Variants in RBBP5 observed in about 807,000 individuals in gnomAD.
RBBP5 encodes the protein retinoblastoma-binding protein 5.
In RBBP5, 5 loss-of-function variants were observed where a neutral mutation model predicts 72.2. That is an observed-to-expected ratio of 0.07 (90% CI 0.04 to 0.15). RBBP5 has a LOEUF of 0.15. Among genes scored for constraint, RBBP5 ranks in the 10% least tolerant of loss-of-function variants. The pLI, the probability that RBBP5 is intolerant of heterozygous loss-of-function variation, is 1.00. For missense variants in RBBP5, 322 were observed against 652.2 expected (o/e 0.49, Z 5.51); for synonymous variants, 209 against 237.2 (o/e 0.88, Z 1.09).
intron 3 of RBBP5, among the ~76,000 whole-genome samples, chr1:205,112,956 C>G (rs575711414): frequency 6.6e-6 from 1 of 152,154 alleles, no homozygotes; most frequent in South Asian, 2.1e-4. Context: ...GACCCTGTCT[C>G]TATAAAAAAT....
At chr1:205,101,360 C>T (rs1655814184) in intron 6 of RBBP5, among the ~76,000 whole-genome samples, 1 of 152,140 alleles carries the variant, frequency 6.6e-6, no homozygotes, top group South Asian at 2.1e-4. Context: ...TGGTTTTAAG[C>T]ACTGACCACT....
chr1:205,097,797 A>G (rs972242036), intron 10 of RBBP5, among the ~76,000 whole-genome samples: 1 of 152,206 alleles, frequency 6.6e-6, no homozygotes, highest in African/African-American at 2.4e-5. Context: ...TCCTCCTAAA[A>G]CACATTAGGC....
rs1219943070 is a variant in RBBP5 at position 205,101,618 on chromosome 1, T to A, written c.614A>T (p.Glu205Val). The change falls in exon 6 of 14, where the codon GAG (glutamate) becomes GTG (valine). Residue 205 changes from glutamate (E) to valine (V), a missense_variant. Physicochemically the swap from Glu to Val is moderately radical, Grantham distance 121. Around this residue, in one of 6 missense-constraint regions of RBBP5, gnomAD observed 161 missense variants for 327.8 expected, o/e 0.49. Coordinates refer to ENST00000264515, the MANE Select transcript of RBBP5 (RefSeq NM_005057.4). The stretch of plus-strand genomic sequence containing the variant: ...CACTCACCTCCCCTTCCGGGCAAAC[T>A]CAATTGACTTAATGGCTGTGGTATT... ...TSNTTAIKSI[E>V]FARKGSCFLI... 6.2e-7 allele frequency: 1 copy of A among 1,611,574 alleles called. No homozygotes were observed. Among genetic ancestry groups the A allele is most frequent in the African/African-American group, 1.3e-5 (1 of 74,808 alleles).
intron 5 of RBBP5, among the ~76,000 whole-genome samples, chr1:205,102,918 G>C (rs931103644): frequency 6.0e-5 from 9 of 151,198 alleles, no homozygotes; most frequent in African/African-American, 2.2e-4. Context: ...GCTGGAACCC[G>C]GGAGGGAGAG....
At chr1:205,104,597 C>G (rs187156184) in intron 4 of RBBP5, among the ~76,000 whole-genome samples, 1 of 151,404 alleles carries the variant, frequency 6.6e-6, no homozygotes, top group Admixed American at 6.6e-5. Flanking sequence ...AATTCCAGCA[C>G]TTTGGGAGGC....
intron 1 of RBBP5, chr1:205,116,110 G>A: frequency 2.5e-6 from 2 of 796,858 alleles, no homozygotes; most frequent in Non-Finnish European, 3.8e-6. Context: ...ATATGACCTG[G>A]GATATTGAAA....
At chr1:205,110,407 T>C (rs910757485) in intron 3 of RBBP5, among the ~76,000 whole-genome samples, 2 of 152,152 alleles carry the variant, frequency 1.3e-5, no homozygotes, top group African/African-American at 4.8e-5. Context: ...TCAGCTATCA[T>C]GCCTACCTAA....
chr1:205,089,992 T>C (rs540312745), intron 13 of RBBP5, among the ~76,000 whole-genome samples: 3 of 152,180 alleles, frequency 2.0e-5, no homozygotes, highest in South Asian at 2.1e-4. Context: ...GCTGGGATTA[T>C]AGGCGCCCAC....
chr1:205,090,041 A>G (rs1483756883), intron 13 of RBBP5, among the ~76,000 whole-genome samples: 1 of 152,054 alleles, frequency 6.6e-6, no homozygotes, highest in Non-Finnish European at 1.5e-5. Flanking sequence ...TTTAATAGAG[A>G]CGGGGTTTCA....
chr1:205,101,782 A>G (rs2102286769), intron 5 of RBBP5, 73 bp from the exon 6 acceptor site: 2 of 1,089,808 alleles, frequency 1.8e-6, no homozygotes, highest in Non-Finnish European at 2.8e-6. Context: ...CTTGTTTCTA[A>G]TACTGCGTAA....
intron 5 of RBBP5, among the ~76,000 whole-genome samples, chr1:205,102,747 A>G (rs914298055): frequency 1.3e-5 from 2 of 152,102 alleles, no homozygotes; most frequent in African/African-American, 4.8e-5. Flanking sequence ...TAATCCCAGC[A>G]CTTTAGGAGG....
chr1:205,099,853 CAGATTTT>C lies in RBBP5; in HGVS notation c.907-48_907-42del. 2 of 1,613,634 alleles carry C rather than the reference CAGATTTT, an allele frequency of 1.2e-6. No homozygotes were observed. The highest frequency in any genetic ancestry group is 1.7e-6 in the Non-Finnish European group (2 of 1,179,658). On this transcript the variant is annotated intron_variant, in intron 8 of 13. Coordinates refer to ENST00000264515, the MANE Select transcript of RBBP5 (RefSeq NM_005057.4). This position sits in a 1 kb window ranked among gnomAD's most constrained non-coding sequence, Gnocchi z 4.7. ...GGAAAGAAAAACAGGTTGTTAAGAA[CAGATTTT>C]AGATTTTTTGGATTATGTGACTAAC...
chr1:205,093,473 AAAAAAAATATATATATATATATAT>A (rs1655443109), intron 13 of RBBP5, among the ~76,000 whole-genome samples: 1 of 10,494 alleles, frequency 9.5e-5, no homozygotes, highest in Non-Finnish European at 2.0e-4. Context: ...AAAAAAAAAA[AAAAAAAATATATATATATATATAT>A]ATATATATAT....
At chr1:205,093,367 A>G (rs1249918621) in intron 13 of RBBP5, among the ~76,000 whole-genome samples, 1 of 148,452 alleles carries the variant, frequency 6.7e-6, no homozygotes, top group Admixed American at 6.8e-5. Flanking sequence ...AAGCTAGGCA[A>G]GAGAATCACT....
rs1656458978 is a variant in RBBP5, at chr1:205,114,791, T to A, written c.216A>T (p.Leu72Phe). Residue 72 changes from leucine (L) to phenylalanine (F), a missense_variant and splice_region_variant, in exon 3 of 14, where the codon TTA becomes TTT. Coordinates refer to ENST00000264515, the MANE Select transcript of RBBP5 (RefSeq NM_005057.4). ...ATATTAATTAAAAAATGTCTTACCA[T>A]AAAGAACACACTGGATGGATGTGTG... Reference protein sequence around the residue: ...ISAHIHPVCSLCWSRDGHKLV... With the variant: ...ISAHIHPVCSFCWSRDGHKLV... 4 of 1,526,540 alleles carry A rather than the reference T, an allele frequency of 2.6e-6. No individual in the cohort carries two copies. The highest frequency in any genetic ancestry group is 3.5e-6 in the Non-Finnish European group (4 of 1,135,736). 94.6% of individuals were successfully genotyped at this position (1,526,540 alleles called of 1,614,324 possible).
chr1:205,094,866 T>C lies in RBBP5; in HGVS notation c.1588+7A>G, dbSNP rs1397297422. On this transcript the variant is annotated splice_region_variant and intron_variant, in intron 13 of 13. Transcript: ENST00000264515. ...CAAGCCAGACAATGCTCCCAATGTGTCCTTACCTGTCAAGGGCTGGCTGAG... is the reference window on the plus strand; with the variant it reads ...CAAGCCAGACAATGCTCCCAATGTGCCCTTACCTGTCAAGGGCTGGCTGAG... 2.5e-6 allele frequency: 4 copies of C among 1,612,388 alleles called. No individual in the cohort carries two copies. The highest frequency in any genetic ancestry group is 3.4e-6 in the Non-Finnish European group (4 of 1,178,978).
chr1:205,093,527 T>C (rs371223272), intron 13 of RBBP5, among the ~76,000 whole-genome samples: 736 of 9,728 alleles, frequency 0.076, 136 homozygotes, highest in East Asian at 0.095. Context: ...TATATATATA[T>C]ATATATACAC....
chr1:205,087,134 T>C lies in RBBP5; in HGVS notation c.*1653A>G, dbSNP rs919496855. On this transcript the variant is annotated 3_prime_UTR_variant, in exon 14 of 14. Coordinates refer to ENST00000264515, the MANE Select transcript of RBBP5 (RefSeq NM_005057.4). Reference sequence around the variant, plus strand: ...CTGACGTGCTCTACTTTGATTTCTATCCTAAAATCTAACAGGTAATCAATG... The same window carrying C: ...CTGACGTGCTCTACTTTGATTTCTACCCTAAAATCTAACAGGTAATCAATG... 1 of 151,972 alleles carries C rather than the reference T, an allele frequency of 6.6e-6. No homozygotes were observed. The highest frequency in any genetic ancestry group is 2.4e-5 in the African/African-American group (1 of 41,350). The allele number at this position is 151,972 out of a possible 1,614,324, so 9.4% of individuals were successfully genotyped here. A position where few individuals can be genotyped will look rare whatever the true frequency, so the allele number is the denominator to read the frequency against.
intron 4 of RBBP5, among the ~76,000 whole-genome samples, 156 bp from the exon 5 acceptor site, chr1:205,104,175 CAG>C (rs1320684707): frequency 1.3e-5 from 2 of 152,110 alleles, no homozygotes; most frequent in African/African-American, 2.4e-5. Context: ...GGTCTAATAA[CAG>C]GGAAAATTCT....
Sources: gnomAD v4.1 joint callset for allele counts (sites outside exome capture counted in the v4.1 genomes callset) on GRCh38, gnomAD v4.1.1 for gene constraint, gnomAD v4.1.1 regional missense constraint, Gnocchi (gnomAD v3.1) non-coding constraint, MANE v1.5 for transcripts, NCBI Gene and HGNC (gene_info 2026-07-23, HGNC 2026-07-21) for gene names.